CIRSR: variants seen among roughly 807,000 people sequenced by gnomAD.
The protein encoded by CIRSR is CBF1 (RBPJ) interacting corepressor 1.
chr2:174,381,636 G>C, the CIRSR span: 80 of 1,242,282 alleles, frequency 6.4e-5, no homozygotes, highest in Non-Finnish European at 8.8e-5. Context: ...CAGCCTGGAC[G>C]ACAGGGCAAG....
At chr2:174,370,387 A>G in the CIRSR span, among the ~76,000 whole-genome samples, 1 of 152,212 alleles carries the variant, frequency 6.6e-6, no homozygotes, top group Non-Finnish European at 1.5e-5. Flanking sequence ...TGCTTTGTGA[A>G]GAAATAAATC....
the CIRSR span, among the ~76,000 whole-genome samples, chr2:174,356,746 A>C: frequency 2.0e-5 from 3 of 152,188 alleles, no homozygotes; most frequent in East Asian, 1.9e-4. Flanking sequence ...TTGCTACCCT[A>C]AAGTGAATAT....
At chr2:174,393,344 G>A in the CIRSR span, among the ~76,000 whole-genome samples, 2 of 152,126 alleles carry the variant, frequency 1.3e-5, no homozygotes, top group African/African-American at 4.8e-5. Flanking sequence ...ATACACAACA[G>A]AGTGACCAGC....
chr2:174,394,821 GAC>G, the CIRSR span, among the ~76,000 whole-genome samples: 3 of 152,134 alleles, frequency 2.0e-5, no homozygotes, highest in Non-Finnish European at 2.9e-5. Flanking sequence ...CTCTGTAGTG[GAC>G]ACAGTGATAG....
At chr2:174,383,719 C>CAAAAAA in the CIRSR span, among the ~76,000 whole-genome samples, 19 of 83,088 alleles carry the variant, frequency 2.3e-4, no homozygotes, top group South Asian at 4.0e-4. Context: ...GACTCCGTCT[C>CAAAAAA]AAAAAAAAAA....
the CIRSR span, among the ~76,000 whole-genome samples, chr2:174,384,953 T>C: frequency 6.6e-6 from 1 of 152,162 alleles, no homozygotes; most frequent in Non-Finnish European, 1.5e-5. Flanking sequence ...CTCATGCCTG[T>C]AATCCCAGCA....
the CIRSR span, chr2:174,381,754 A>C: frequency 6.3e-7 from 1 of 1,597,530 alleles, no homozygotes; most frequent in South Asian, 1.1e-5. Flanking sequence ...GCCATTCTTT[A>C]CACGTTCATC....
the CIRSR span, among the ~76,000 whole-genome samples, chr2:174,391,965 A>G: frequency 6.6e-6 from 1 of 152,122 alleles, no homozygotes; most frequent in Non-Finnish European, 1.5e-5. Context: ...GAGAGGGAGA[A>G]GAGTTAAGGA....
At chr2:174,394,611 T>C in the CIRSR span, among the ~76,000 whole-genome samples, 1 of 152,280 alleles carries the variant, frequency 6.6e-6, no homozygotes, top group South Asian at 2.1e-4. Flanking sequence ...TAAAATTTCA[T>C]GGGGGAGTTA....
At chr2:174,348,779 T>C in the CIRSR span, 1 of 1,614,226 alleles carries the variant, frequency 6.2e-7, no homozygotes, top group Non-Finnish European at 8.5e-7. Context: ...TTCTGGACTT[T>C]TTGTCAGAAT....
At chr2:174,386,970 C>T in the CIRSR span, among the ~76,000 whole-genome samples, 1 of 152,038 alleles carries the variant, frequency 6.6e-6, no homozygotes, top group Non-Finnish European at 1.5e-5. Flanking sequence ...CCACTTATTG[C>T]CATGCATGGA....
the CIRSR span, among the ~76,000 whole-genome samples, chr2:174,363,953 C>A: frequency 1.3e-5 from 2 of 152,176 alleles, no homozygotes; most frequent in Non-Finnish European, 2.9e-5. Flanking sequence ...CAAATAATGC[C>A]TTCCCAACAG....
At chr2:174,382,393 C>T in the CIRSR span, among the ~76,000 whole-genome samples, 86 of 152,230 alleles carry the variant, frequency 5.6e-4, no homozygotes, top group East Asian at 0.012. Context: ...AATCCCAGCA[C>T]GCTGGGAGGC....
the CIRSR span, chr2:174,348,328 G>C: frequency 9.4e-7 from 1 of 1,060,884 alleles, no homozygotes; most frequent in African/African-American, 1.6e-5. Flanking sequence ...TACTCATGTA[G>C]TTTTGTACTT....
chr2:174,394,777 G>A, the CIRSR span, among the ~76,000 whole-genome samples: 4 of 152,188 alleles, frequency 2.6e-5, no homozygotes, highest in African/African-American at 7.2e-5. Context: ...AAGTTTCTAT[G>A]TAGGGGCAAT....
chr2:174,362,901 A>T, the CIRSR span, among the ~76,000 whole-genome samples: 1 of 152,022 alleles, frequency 6.6e-6, no homozygotes, highest in South Asian at 2.1e-4. Context: ...CTTGACAGAT[A>T]AAAGCTCCTA....
chr2:174,386,776 A>G, the CIRSR span, among the ~76,000 whole-genome samples: 1 of 152,204 alleles, frequency 6.6e-6, no homozygotes, highest in African/African-American at 2.4e-5. Flanking sequence ...TCTTCCATAA[A>G]GTCTTCTGTT....
At chr2:174,374,251 C>A in the CIRSR span, among the ~76,000 whole-genome samples, 3 of 152,186 alleles carry the variant, frequency 2.0e-5, no homozygotes, top group Non-Finnish European at 4.4e-5. Flanking sequence ...TTTCTTTCTA[C>A]CTAAGTTTTA....
the CIRSR span, among the ~76,000 whole-genome samples, chr2:174,381,946 A>G: frequency 6.6e-6 from 1 of 152,226 alleles, no homozygotes; most frequent in South Asian, 2.1e-4. Flanking sequence ...AATGGAAATT[A>G]AACAGTGCTG....
Sources: allele counts gnomAD v4.1 joint callset (sites outside exome capture counted in the v4.1 genomes callset), GRCh38; gene constraint gnomAD v4.1.1; transcripts MANE v1.5; gene names NCBI Gene and HGNC (gene_info 2026-07-23, HGNC 2026-07-21).